Variants in NRF1 observed in about 807,000 individuals in gnomAD.
The protein encoded by NRF1 is nuclear respiratory factor 1, also known as alpha palindromic-binding protein.
In NRF1, 5 loss-of-function variants were observed where a neutral mutation model predicts 58.5. The ratio of observed to expected loss-of-function variants is 0.09; its 90% CI spans 0.04 to 0.18. NRF1 has a LOEUF of 0.18. Ranked by LOEUF, NRF1 falls within the 10% of genes least tolerant of loss-of-function variation. The pLI is 1.00. For missense variants in NRF1, 288 were observed against 657.7 expected (o/e 0.44, Z 6.15); for synonymous variants, 224 against 246.7 (o/e 0.91, Z 0.86).
chr7:129,683,432 G>C (rs1802374077), intron 4 of NRF1, among the ~76,000 whole-genome samples: 1 of 150,592 alleles, frequency 6.6e-6, no homozygotes, highest in Non-Finnish European at 1.5e-5. Context: ...GTGTTCAAGT[G>C]ATTCTCCCTG....
intron 8 of NRF1, among the ~76,000 whole-genome samples, chr7:129,713,737 TG>T (rs1227787808): frequency 6.6e-6 from 1 of 152,082 alleles, no homozygotes; most frequent in Non-Finnish European, 1.5e-5. Context: ...CAGGGTGCTG[TG>T]GAACAGCAGA....
intron 4 of NRF1, among the ~76,000 whole-genome samples, chr7:129,686,776 T>G (rs1802452378): frequency 6.6e-6 from 1 of 152,236 alleles, no homozygotes; most frequent in African/African-American, 2.4e-5. Flanking sequence ...ACCTTAGTTG[T>G]GCAACCAATT....
At chr7:129,711,355 C>G in intron 7 of NRF1, 120 bp from the exon 8 acceptor site, 1 of 649,448 alleles carries the variant, frequency 1.5e-6, no homozygotes, top group Non-Finnish European at 2.6e-6. Flanking sequence ...GATTTCACAT[C>G]ATAAGGCATA....
intron 1 of NRF1, among the ~76,000 whole-genome samples, chr7:129,645,576 G>A (rs1321326460): frequency 6.6e-6 from 1 of 152,158 alleles, no homozygotes; most frequent in Non-Finnish European, 1.5e-5. Context: ...AAGGTCAAAG[G>A]TACCATTGCT....
chr7:129,670,242 C>G (rs186031425), intron 2 of NRF1, among the ~76,000 whole-genome samples: 1 of 152,106 alleles, frequency 6.6e-6, no homozygotes, highest in African/African-American at 2.4e-5. Flanking sequence ...TCTGGATAGC[C>G]GTACAACATT....
chr7:129,727,176 GGTTT>G (rs1352122269), intron 9 of NRF1, 61 bp from the exon 10 acceptor site: 12 of 1,484,324 alleles, frequency 8.1e-6, no homozygotes, highest in Non-Finnish European at 1.1e-5. Context: ...TTGAAAGGAT[GGTTT>G]GTCTTGGCTG....
chr7:129,752,764 T>C (rs1562994590), intron 10 of NRF1, among the ~76,000 whole-genome samples: 1 of 152,242 alleles, frequency 6.6e-6, no homozygotes, highest in Middle Eastern at 3.4e-3. Flanking sequence ...GAAAGAGAGA[T>C]TAATTAAAGA....
chr7:129,706,884 C>CACTA (rs1467339675), intron 5 of NRF1, among the ~76,000 whole-genome samples: 1 of 152,128 alleles, frequency 6.6e-6, no homozygotes, highest in African/African-American at 2.4e-5. Context: ...CTCTGTCAGT[C>CACTA]TAGTATTCTC....
intron 8 of NRF1, among the ~76,000 whole-genome samples, chr7:129,714,713 C>G (rs887758724): frequency 3.9e-5 from 6 of 152,190 alleles, no homozygotes; most frequent in African/African-American, 1.4e-4. Flanking sequence ...TCAGGGCAAA[C>G]ACGAAGGTAA....
intron 1 of NRF1, among the ~76,000 whole-genome samples, chr7:129,644,852 T>C (rs1801369659): frequency 6.6e-6 from 1 of 152,212 alleles, no homozygotes; most frequent in African/African-American, 2.4e-5. Context: ...ATAGTCTATT[T>C]ATAATTTGAA....
At chr7:129,655,823 T>G (rs1272457963) in intron 1 of NRF1, among the ~76,000 whole-genome samples, 1 of 152,206 alleles carries the variant, frequency 6.6e-6, no homozygotes, top group Non-Finnish European at 1.5e-5. Flanking sequence ...CGGCCAGCCT[T>G]CTTCCTAATC....
intron 2 of NRF1, among the ~76,000 whole-genome samples, chr7:129,660,445 T>TA (rs1801754288): frequency 6.6e-6 from 1 of 150,858 alleles, no homozygotes. Context: ...TATGAGCCTG[T>TA]AAAATCAAAA....
Position 129,701,617 on chromosome 7 carries a change from A to T in NRF1, c.607-7458A>T, listed in dbSNP as rs367786334. On this transcript the variant is annotated intron_variant, in intron 5 of 10. Coordinates refer to ENST00000393232, the MANE Select transcript of NRF1 (RefSeq NM_005011.5). ...AAAAAAAAAAAAGAAAAAGAAAAAA[A>T]AAAGAGAGAAAACTTGGTAATAAAA... 4.1e-3 allele frequency among the ~76,000 whole-genome samples: 617 copies of T among 151,476 alleles called. 3 individuals are homozygous for T. Among genetic ancestry groups the T allele is most frequent in the African/African-American group, 0.014 (586 of 41,500 alleles).
intron 2 of NRF1, among the ~76,000 whole-genome samples, chr7:129,669,987 G>T (rs1459970538): frequency 6.6e-6 from 1 of 152,202 alleles, no homozygotes; most frequent in Non-Finnish European, 1.5e-5. Context: ...TGATCTGTAT[G>T]TACAATGGAA....
chr7:129,693,001 G>A (rs1802606485), intron 5 of NRF1, among the ~76,000 whole-genome samples: 1 of 152,172 alleles, frequency 6.6e-6, no homozygotes, highest in Non-Finnish European at 1.5e-5. Context: ...TTACTACCTG[G>A]AATTGTCTCA....
chr7:129,704,871 CTG>C (rs1482922162), intron 5 of NRF1, among the ~76,000 whole-genome samples: 2 of 152,288 alleles, frequency 1.3e-5, no homozygotes, highest in Non-Finnish European at 2.9e-5. Flanking sequence ...AGGATTAAAA[CTG>C]TGCTGGATTA....
intron 1 of NRF1, among the ~76,000 whole-genome samples, chr7:129,639,168 TC>T (rs1801234589): frequency 6.6e-6 from 1 of 152,104 alleles, no homozygotes; most frequent in Non-Finnish European, 1.5e-5. Flanking sequence ...TTACTGATCC[TC>T]CCTTCTCAGC....
chr7:129,676,465 T>G (rs780801515), intron 3 of NRF1, among the ~76,000 whole-genome samples: 1 of 152,188 alleles, frequency 6.6e-6, no homozygotes, highest in Non-Finnish European at 1.5e-5. Flanking sequence ...ATTTCAATAC[T>G]GTGTCTCAGG....
chr7:129,637,479 G>A (rs1401747927), intron 1 of NRF1, among the ~76,000 whole-genome samples: 2 of 152,094 alleles, frequency 1.3e-5, no homozygotes, highest in African/African-American at 4.8e-5. Context: ...AGTAATCACA[G>A]TCTTATTATT....
Sources: allele counts gnomAD v4.1 joint callset (sites outside exome capture counted in the v4.1 genomes callset), GRCh38; gene constraint gnomAD v4.1.1; transcripts MANE v1.5; gene names NCBI Gene and HGNC (gene_info 2026-07-23, HGNC 2026-07-21).